Variants in UBN2 observed in about 807,000 individuals in gnomAD.
UBN2 encodes ubinuclein 2, also known as ubinuclein-2.
Under a neutral mutation model 120.2 loss-of-function variants are expected in UBN2, and 35 were observed. The ratio of observed to expected loss-of-function variants is 0.29; its 90% CI spans 0.22 to 0.39. The LOEUF is 0.39. UBN2 is among the 10% of genes least tolerant of loss of function. The pLI is 1.00. For synonymous variants in UBN2, 661 were observed against 648.7 expected, an observed-to-expected ratio of 1.02 and a Z score of -0.29; for missense variants, 1,693 against 1,663.2, an observed-to-expected ratio of 1.02 and a Z score of -0.31.
chr7:139,319,622 T>C, the UBN2 span, among the ~76,000 whole-genome samples: 1 of 152,086 alleles, frequency 6.6e-6, no homozygotes, highest in African/African-American at 2.4e-5. Context: ...AATTCCAGCC[T>C]CTAGGCCACC....
At chr7:139,316,041 C>T in the UBN2 span, among the ~76,000 whole-genome samples, 3 of 130,766 alleles carry the variant, frequency 2.3e-5, no homozygotes, top group African/African-American at 8.7e-5. Context: ...CGCGCTGTTG[C>T]ACTCCAGCCT....
chr7:139,262,336 G>C (rs1796963433), intron 6 of UBN2, among the ~76,000 whole-genome samples: 1 of 152,074 alleles, frequency 6.6e-6, no homozygotes, highest in African/African-American at 2.4e-5. Flanking sequence ...CTGACCTCAA[G>C]TGATCTGCCT....
Position 139,252,016 on chromosome 7 carries a change from G to C in UBN2, c.622G>C (p.Gly208Arg). The change falls in exon 3 of 18, where the codon GGC becomes CGC. Residue 208 changes from glycine (G) to arginine (R), a missense_variant. Coordinates refer to ENST00000473989, the MANE Select transcript of UBN2 (RefSeq NM_173569.4). Reference sequence around the variant, plus strand: ...ACAAGATTTAATTGATATAGGCTTTGGCTATGATGAGACAGATCCATTTAT... The same window carrying C: ...ACAAGATTTAATTGATATAGGCTTTCGCTATGATGAGACAGATCCATTTAT... ...RLQDLIDIGF[G>R]YDETDPFIDN... 1 of 1,614,122 alleles carries C rather than the reference G, an allele frequency of 6.2e-7. No homozygotes were observed. The highest frequency in any genetic ancestry group is 8.5e-7 in the Non-Finnish European group (1 of 1,180,018).
At chr7:139,264,208 A>G (rs1316287145) in intron 6 of UBN2, among the ~76,000 whole-genome samples, 2 of 152,166 alleles carry the variant, frequency 1.3e-5, no homozygotes, top group Non-Finnish European at 2.9e-5. Context: ...TCAATTCCGT[A>G]TTACTTTACT....
chr7:139,266,060 C>CTT (rs374455779), intron 6 of UBN2, among the ~76,000 whole-genome samples: 4 of 141,208 alleles, frequency 2.8e-5, no homozygotes, highest in Non-Finnish European at 4.7e-5. Flanking sequence ...TTAGGAGATT[C>CTT]TTTTTTTTTT....
chr7:139,315,499 A>C, the UBN2 span: 1 of 152,098 alleles, frequency 6.6e-6, no homozygotes, highest in Non-Finnish European at 1.5e-5. Flanking sequence ...CCCAAATAAT[A>C]TCTCATTGTA....
Position 139,283,009 on chromosome 7 carries a change from G to T in UBN2, c.2119-15G>T, listed in dbSNP as rs1389804267. On this transcript the variant is annotated splice_polypyrimidine_tract_variant and intron_variant, in intron 14 of 17. Transcript: ENST00000473989. The stretch of plus-strand genomic sequence containing the variant: ...TCACCATTTCTATTTTTTTCCATAT[G>T]ATGCTTTACATTAGGAGTGTAGTCC... The T allele has an allele frequency of 6.7e-7, 1 of 1,490,656 alleles. No individual in the cohort carries two copies. Among genetic ancestry groups the T allele is most frequent in the African/African-American group, 1.4e-5 (1 of 70,106 alleles). 92.3% of individuals were successfully genotyped at this position (1,490,656 alleles called of 1,614,324 possible).
At chr7:139,255,466 T>C (rs1348063134) in intron 3 of UBN2, among the ~76,000 whole-genome samples, 1 of 152,170 alleles carries the variant, frequency 6.6e-6, no homozygotes, top group East Asian at 1.9e-4. Flanking sequence ...GTGGAAAACT[T>C]CTGTTTTAAT....
At chr7:139,323,415 G>T in the UBN2 span, among the ~76,000 whole-genome samples, 2 of 152,092 alleles carry the variant, frequency 1.3e-5, no homozygotes, top group African/African-American at 4.8e-5. Context: ...TGTCAGGAGT[G>T]TGCTGCCCTG....
At chr7:139,252,114 A>C (rs1187470439) in intron 3 of UBN2, 57 bp downstream of exon 3, 1 of 1,447,688 alleles carries the variant, frequency 6.9e-7, no homozygotes, top group African/African-American at 1.4e-5. Flanking sequence ...GGATAGTAGA[A>C]GTCAAGGGTA....
At chr7:139,318,066 T>A in the UBN2 span, among the ~76,000 whole-genome samples, 2 of 152,208 alleles carry the variant, frequency 1.3e-5, no homozygotes, top group Non-Finnish European at 2.9e-5. Flanking sequence ...ATCATCCTCT[T>A]ATCTCTCTGA....
At chr7:139,241,952 C>T (rs117111369) in intron 2 of UBN2, among the ~76,000 whole-genome samples, 358 of 152,216 alleles carry the variant, frequency 2.4e-3, no homozygotes, top group Non-Finnish European at 3.7e-3. Context: ...GAGCCGAAAT[C>T]ACGCCGTTGT....
chr7:139,309,166 A>C (rs894555711), downstream of UBN2, among the ~76,000 whole-genome samples: 1 of 152,272 alleles, frequency 6.6e-6, no homozygotes, highest in East Asian at 1.9e-4. Context: ...TGTGATCTGC[A>C]TAGAAAATAT....
At chr7:139,237,706 A>G (rs1796202711) in intron 2 of UBN2, among the ~76,000 whole-genome samples, 1 of 152,188 alleles carries the variant, frequency 6.6e-6, no homozygotes, top group Non-Finnish European at 1.5e-5. Context: ...TAGCTGATAC[A>G]GTGTCACACA....
intron 15 of UBN2, among the ~76,000 whole-genome samples, chr7:139,292,299 GT>G (rs1349914542): frequency 6.6e-6 from 1 of 152,102 alleles, no homozygotes; most frequent in Non-Finnish European, 1.5e-5. Context: ...ATTTAAGTAA[GT>G]TCTCTGTGAA....
downstream of UBN2, among the ~76,000 whole-genome samples, chr7:139,311,785 T>G (rs1218956904): frequency 1.3e-5 from 2 of 152,230 alleles, no homozygotes; most frequent in African/African-American, 4.8e-5. Flanking sequence ...GCAGTTAAAA[T>G]TCTTTCATCA....
chr7:139,231,327 G>A lies in UBN2; in HGVS notation c.-158G>A, dbSNP rs555458368. Among the ~76,000 whole-genome samples the A allele has an allele frequency of 2.0e-5, 3 of 152,340 alleles. No individual in the cohort carries two copies. Among genetic ancestry groups the A allele is most frequent in the African/African-American group, 4.8e-5 (2 of 41,592 alleles). On this transcript the variant is annotated 5_prime_UTR_variant, in exon 1 of 18. Transcript: ENST00000473989. ...CCATCAGAACGTAGTAGCGGGGAAG[G>A]GGACACGGTCCGCACTCACCGTGGC... is the stretch of plus-strand genomic sequence containing the variant.
At chr7:139,265,790 G>A (rs1031737611) in intron 6 of UBN2, among the ~76,000 whole-genome samples, 5 of 152,184 alleles carry the variant, frequency 3.3e-5, no homozygotes, top group African/African-American at 1.2e-4. Context: ...GCAGCCACCA[G>A]AAGCTGGAAG....
At chr7:139,290,753 C>T (rs1468729203) in intron 15 of UBN2, among the ~76,000 whole-genome samples, 1 of 152,078 alleles carries the variant, frequency 6.6e-6, no homozygotes, top group Non-Finnish European at 1.5e-5. Context: ...TAAAGGAGAA[C>T]AGGGGAGGGA....
Sources: gnomAD v4.1 joint callset for allele counts (sites outside exome capture counted in the v4.1 genomes callset) on GRCh38, gnomAD v4.1.1 for gene constraint, MANE v1.5 for transcripts, NCBI Gene and HGNC (gene_info 2026-07-23, HGNC 2026-07-21) for gene names.